Variants in PAQR3 observed in about 807,000 individuals in gnomAD.
PAQR3 encodes the protein Raf kinase trapping to Golgi.
A neutral mutation model predicts 41.7 loss-of-function variants in PAQR3; 39 were observed. The ratio of observed to expected loss-of-function variants is 0.93; its 90% confidence interval spans 0.72 to 1.22. The LOEUF is 1.22. PAQR3 is among the 50% of genes most tolerant of loss of function. The pLI, the probability that PAQR3 is intolerant of heterozygous loss-of-function variation, is 0.00. For synonymous variants in PAQR3, 140 were observed against 140.6 expected (o/e 1.00, Z 0.03); for missense variants, 366 against 385.6 (o/e 0.95, Z 0.42).
chr4:78,939,204 C>G lies in PAQR3; in HGVS notation c.21G>C (p.Lys7Asn). The change falls in exon 1 of 6, where the codon AAG becomes AAC. Residue 7 changes from lysine (K) to asparagine (N), a missense_variant. Coordinates refer to ENST00000512733, the MANE Select transcript of PAQR3 (RefSeq NM_001040202.2). MHQKLL[K>N]SAHYIELGSY... ...TGCCCAGCTCGATGTAATGCGCGCT[C>G]TTCAGCAGCTTCTGATGCATCGTTC... 1 of 1,602,344 alleles carries G rather than the reference C, an allele frequency of 6.2e-7. No homozygotes were observed. The highest frequency in any genetic ancestry group is 1.1e-5 in the South Asian group (1 of 89,592).
In PAQR3 at chr4:78,917,844, G is replaced by T. The variant is rs1735233826; in HGVS notation, c.*2695C>A. 1.0e-6 allele frequency: 1 copy of T among 985,456 alleles called. No individual in the cohort carries two copies. Among genetic ancestry groups the T allele is most frequent in the Non-Finnish European group, 1.2e-6 (1 of 829,692 alleles). The allele number at this position is 985,456 out of a possible 1,614,324, so 61.0% of individuals were successfully genotyped here. ...ATTCTGTCCAGGTGGGATGCCATAA[G>T]ATGTGACAGACATTCCCTGAATCTT... On this transcript the variant is annotated 3_prime_UTR_variant, in exon 6 of 6. Transcript: ENST00000512733.
At chr4:78,931,798 G>A (rs1254220711) in intron 2 of PAQR3, among the ~76,000 whole-genome samples, 1 of 152,170 alleles carries the variant, frequency 6.6e-6, no homozygotes, top group Non-Finnish European at 1.5e-5. Flanking sequence ...CATATTTATG[G>A]CTGGGGGCAG....
downstream of PAQR3, chr4:78,910,705 G>A: frequency 6.2e-7 from 1 of 1,613,048 alleles, no homozygotes; most frequent in Non-Finnish European, 8.5e-7. Context: ...AGCATCTAAA[G>A]ATCAGCGGAC....
intron 5 of PAQR3, chr4:78,923,096 C>G: frequency 2.5e-6 from 1 of 396,400 alleles, no homozygotes; most frequent in Non-Finnish European, 5.0e-6. Context: ...CTAAAGCCAG[C>G]TTTGTCACCA....
At chr4:78,935,707 C>T (rs545834054) in intron 1 of PAQR3, among the ~76,000 whole-genome samples, 1 of 152,310 alleles carries the variant, frequency 6.6e-6, no homozygotes, top group Non-Finnish European at 1.5e-5. Context: ...AACTAGCACA[C>T]TCTATCAATA....
rs1046206527 is a variant in PAQR3, at chr4:78,915,508, A to G, written c.*5031T>C. On this transcript the variant is annotated 3_prime_UTR_variant, in exon 6 of 6. Transcript: ENST00000512733. ...TAGCAAACTTGTTATTTTAGGTCCA[A>G]TTATTGAGTTGACAGTCTACTGTGA... The G allele has an allele frequency of 2.0e-5, 3 of 151,764 alleles. No homozygotes were observed. Among genetic ancestry groups the G allele is most frequent in the East Asian group, 1.9e-4 (1 of 5,198 alleles). The allele number at this position is 151,764 out of a possible 1,614,324, so 9.4% of individuals were successfully genotyped here.
At chr4:78,938,671 A>T (rs948209211) in intron 1 of PAQR3, among the ~76,000 whole-genome samples, 1 of 152,082 alleles carries the variant, frequency 6.6e-6, no homozygotes, top group African/African-American at 2.4e-5. Flanking sequence ...AAGCTACTGA[A>T]TTCCCACAGT....
intron 5 of PAQR3, chr4:78,922,062 G>A (rs1369413532): frequency 2.9e-6 from 3 of 1,032,134 alleles, no homozygotes; most frequent in Non-Finnish European, 3.5e-6. Context: ...ATGGTTTAGT[G>A]TTCTACTTGT....
At chr4:78,938,946 C>A in intron 1 of PAQR3, 94 bp downstream of exon 1, 2 of 1,246,468 alleles carry the variant, frequency 1.6e-6, no homozygotes, top group Non-Finnish European at 2.2e-6. Context: ...AAATGATGGG[C>A]AAGCAGAAAG....
exon 13 of PAQR3, chr4:78,887,285 G>T (rs181192715): frequency 8.8e-6 from 14 of 1,591,674 alleles, no homozygotes; most frequent in African/African-American, 5.4e-5. Context: ...TCTCATTCAG[G>T]CAAGTTACAC....
intron 3 of PAQR3, among the ~76,000 whole-genome samples, chr4:78,929,656 A>ACAAG (rs1313633922): frequency 6.6e-6 from 1 of 152,240 alleles, no homozygotes; most frequent in Non-Finnish European, 1.5e-5. Context: ...GGTCTGTCTT[A>ACAAG]CAAGCCTACC....
intron 1 of PAQR3, among the ~76,000 whole-genome samples, chr4:78,938,586 A>C (rs745456271): frequency 2.6e-5 from 4 of 152,126 alleles, no homozygotes; most frequent in Non-Finnish European, 5.9e-5. Context: ...GGGCTCCATA[A>C]GTATTTGCCA....
chr4:78,887,327 C>A, intron 12 of PAQR3: 1 of 1,384,254 alleles, frequency 7.2e-7, no homozygotes, highest in Non-Finnish European at 1.0e-6. Flanking sequence ...AAATAAAACA[C>A]ACAAGAACAA....
intron 11 of PAQR3, among the ~76,000 whole-genome samples, chr4:78,905,287 A>G (rs1165908006): frequency 2.0e-5 from 3 of 151,948 alleles, no homozygotes; most frequent in Non-Finnish European, 2.9e-5. Context: ...TTCCTAAGAT[A>G]ATAAAAAAGC....
At chr4:78,923,600 A>G (rs1472308652) in intron 5 of PAQR3, 1 of 467,188 alleles carries the variant, frequency 2.1e-6, no homozygotes, top group Non-Finnish European at 3.8e-6. Context: ...AGAAGACTCA[A>G]AGTCTAATGT....
chr4:78,926,717 T>G lies in PAQR3; in HGVS notation c.506A>C (p.Tyr169Ser), dbSNP rs758682120. The G allele has an allele frequency of 6.2e-7, 1 of 1,612,202 alleles. No homozygotes were observed. The highest frequency in any genetic ancestry group is 8.5e-7 in the Non-Finnish European group (1 of 1,178,570). ...TGTGATCAAGTACACCTGACGCCAG[T>G]ACTAGAATGAAAGGAAATCACATTT... ...GVFYAFYCNN[Y>S]WRQVYLITVL... Residue 169 changes from tyrosine to serine, a missense_variant and splice_region_variant, in exon 4 of 6, where the codon TAC becomes TCC. Physicochemically the swap from Tyr to Ser is moderately radical, Grantham distance 144 (BLOSUM62 -2). Transcript: ENST00000512733.
intron 2 of PAQR3, among the ~76,000 whole-genome samples, chr4:78,933,484 A>G (rs1451773023): frequency 6.6e-6 from 1 of 152,226 alleles, no homozygotes; most frequent in East Asian, 1.9e-4. Context: ...ATCAATATTA[A>G]TAAATATATC....
At chr4:78,938,935 G>A (rs969665739) in intron 1 of PAQR3, 105 bp downstream of exon 1, 3 of 1,149,608 alleles carry the variant, frequency 2.6e-6, no homozygotes, top group Non-Finnish European at 3.7e-6. Flanking sequence ...GGGCGGCGAG[G>A]AAATGATGGG....
rs1735467521 is a variant in PAQR3 at position 78,919,706 on chromosome 4, A to G, written c.*833T>C. On this transcript the variant is annotated 3_prime_UTR_variant, in exon 6 of 6. Coordinates refer to ENST00000512733, the MANE Select transcript of PAQR3 (RefSeq NM_001040202.2). ...AGGACTACAAATTCAGAGAGTTGAA[A>G]GCTCTGGAATTTTGGGATCAAAAAC... The G allele has an allele frequency of 2.0e-6, 2 of 985,018 alleles. No homozygotes were observed. The highest frequency in any genetic ancestry group is 3.5e-5 in the African/African-American group (2 of 57,192). 61.0% of individuals were successfully genotyped at this position (985,018 alleles called of 1,614,324 possible).
Sources: allele counts gnomAD v4.1 joint callset (sites outside exome capture counted in the v4.1 genomes callset), GRCh38; gene constraint gnomAD v4.1.1; transcripts MANE v1.5; gene names NCBI Gene and HGNC (gene_info 2026-07-23, HGNC 2026-07-21).